CDKAL1: variants seen among roughly 807,000 people sequenced by gnomAD.
CDKAL1 encodes the protein threonylcarbamoyladenosine tRNA methylthiotransferase.
A neutral mutation model predicts 68.2 loss-of-function variants in CDKAL1; 32 were observed. The observed-to-expected ratio is 0.47, with a 90% CI of 0.35 to 0.63. The LOEUF (loss-of-function observed/expected upper bound fraction) is 0.63, where lower values mean the gene tolerates loss of function less well. CDKAL1 is among the 30% of genes least tolerant of loss of function. CDKAL1 has a pLI of 0.00. For synonymous variants in CDKAL1, 234 were observed against 244.3 expected (o/e 0.96, Z 0.39); for missense variants, 606 against 696.7 (o/e 0.87, Z 1.47).
intron 8 of CDKAL1, among the ~76,000 whole-genome samples, chr6:20,795,669 G>A (rs965573679): frequency 1.3e-4 from 20 of 151,966 alleles, no homozygotes; most frequent in African/African-American, 4.4e-4. Context: ...TTTTACTAAC[G>A]GCTGTTGCCA....
At chr6:20,700,041 GC>G (rs1315540215) in intron 5 of CDKAL1, among the ~76,000 whole-genome samples, 1 of 151,532 alleles carries the variant, frequency 6.6e-6, no homozygotes, top group African/African-American at 2.4e-5. Flanking sequence ...TGGAGGTCCG[GC>G]TTTTGGATTA....
intron 13 of CDKAL1, among the ~76,000 whole-genome samples, chr6:21,144,631 CAAAAAAA>C (rs59162861): frequency 7.9e-6 from 1 of 126,848 alleles, no homozygotes; most frequent in Non-Finnish European, 1.7e-5. Flanking sequence ...CAAAAAATAC[CAAAAAAA>C]AAAAAAAAAG....
chr6:21,138,737 A>G (rs1305045417), intron 13 of CDKAL1, among the ~76,000 whole-genome samples: 1 of 152,122 alleles, frequency 6.6e-6, no homozygotes, highest in Admixed American at 6.5e-5. Flanking sequence ...CACATCTTTC[A>G]ATGGCAATTG....
chr6:21,014,321 G>A (rs755484326), intron 11 of CDKAL1, among the ~76,000 whole-genome samples: 33 of 152,044 alleles, frequency 2.2e-4, no homozygotes, highest in Non-Finnish European at 3.7e-4. Flanking sequence ...AAAAGTTCTC[G>A]GGCCGGGTGT....
chr6:21,071,751 A>G (rs966457682), intron 12 of CDKAL1, among the ~76,000 whole-genome samples: 1 of 152,126 alleles, frequency 6.6e-6, no homozygotes, highest in Non-Finnish European at 1.5e-5. Context: ...TGCTTCTGCC[A>G]GGTGCTAAGG....
intron 15 of CDKAL1, among the ~76,000 whole-genome samples, chr6:21,222,818 G>T (rs185229155): frequency 7.2e-5 from 11 of 152,298 alleles, no homozygotes; most frequent in Admixed American, 7.2e-4. Context: ...TGCACCGCAA[G>T]ATGGGAAGAC....
intron 10 of CDKAL1, among the ~76,000 whole-genome samples, chr6:20,961,058 A>G (rs1765031520): frequency 6.6e-6 from 1 of 152,208 alleles, no homozygotes; most frequent in Admixed American, 6.5e-5. Context: ...GAATTGGCTG[A>G]TAGGGAAAAG....
intron 13 of CDKAL1, among the ~76,000 whole-genome samples, chr6:21,175,257 T>C (rs1349400546): frequency 6.6e-6 from 1 of 152,256 alleles, no homozygotes; most frequent in Non-Finnish European, 1.5e-5. Flanking sequence ...TATTTTATTT[T>C]GACGTTATTT....
intron 15 of CDKAL1, among the ~76,000 whole-genome samples, chr6:21,205,535 G>GT (rs1218671233): frequency 7.3e-6 from 1 of 137,130 alleles, no homozygotes; most frequent in East Asian, 2.0e-4. Context: ...AGCCTGTTTT[G>GT]TTTTGTTTTT....
intron 13 of CDKAL1, among the ~76,000 whole-genome samples, chr6:21,195,403 T>C (rs1274347675): frequency 6.6e-6 from 1 of 152,162 alleles, no homozygotes; most frequent in East Asian, 1.9e-4. Flanking sequence ...CCTCAAGTGA[T>C]CCACCCGCCC....
In CDKAL1 at chr6:20,995,878, C is replaced by A. The variant is rs534417347; in HGVS notation, c.910-4349C>A. 3.3e-5 allele frequency among the ~76,000 whole-genome samples: 5 copies of A among 152,250 alleles called. No individual in the cohort carries two copies. The East Asian group carries it at 5.8e-4, about 18-fold the overall frequency. On this transcript the variant is annotated intron_variant, in intron 10 of 15. Coordinates refer to ENST00000274695, the MANE Select transcript of CDKAL1 (RefSeq NM_017774.3). ...TCTCTACCTATGAAAGTCCTAGATGCCACCACTTTTTAATAGAAGGCTGTT... is the reference window on the plus strand; with the variant it reads ...TCTCTACCTATGAAAGTCCTAGATGACACCACTTTTTAATAGAAGGCTGTT...
intron 10 of CDKAL1, among the ~76,000 whole-genome samples, chr6:20,978,238 G>T (rs1268782435): frequency 6.6e-6 from 1 of 152,210 alleles, no homozygotes; most frequent in African/African-American, 2.4e-5. Flanking sequence ...TGTAAAGTCA[G>T]CTTGAAACTG....
intron 5 of CDKAL1, among the ~76,000 whole-genome samples, chr6:20,672,614 C>T (rs998677384): frequency 4.6e-5 from 7 of 152,254 alleles, no homozygotes; most frequent in South Asian, 2.1e-4. Flanking sequence ...CTGGGCCTCC[C>T]GCAGTGCTGG....
At chr6:20,671,351 T>A (rs1769805169) in intron 5 of CDKAL1, among the ~76,000 whole-genome samples, 1 of 152,220 alleles carries the variant, frequency 6.6e-6, no homozygotes, top group South Asian at 2.1e-4. Context: ...TTATCTATTG[T>A]CTCTCAATTT....
In CDKAL1 at chr6:21,113,595, C is replaced by T. The variant is rs543542735; in HGVS notation, c.1299+5132C>T. On this transcript the variant is annotated intron_variant, in intron 13 of 15. Coordinates refer to ENST00000274695, the MANE Select transcript of CDKAL1 (RefSeq NM_017774.3). ...TCAGCTCACCGCAACCTCTGCCTTC[C>T]GGGTTCAAGCAATTCTCCTGCCTCA... is the stretch of plus-strand genomic sequence containing the variant. 2.3e-3 allele frequency among the ~76,000 whole-genome samples: 344 copies of T among 152,060 alleles called. 2 individuals carry two copies. Among genetic ancestry groups the T allele is most frequent in the Non-Finnish European group, 3.5e-3 (237 of 67,964 alleles).
intron 4 of CDKAL1, among the ~76,000 whole-genome samples, chr6:20,620,305 A>G (rs185255494): frequency 5.3e-5 from 8 of 152,334 alleles, no homozygotes; most frequent in Admixed American, 2.0e-4. Context: ...TAAATTTAAC[A>G]TTCTTTTAGA....
At chr6:21,182,292 T>A (rs970418368) in intron 13 of CDKAL1, among the ~76,000 whole-genome samples, 7 of 152,236 alleles carry the variant, frequency 4.6e-5, no homozygotes, top group African/African-American at 1.7e-4. Flanking sequence ...AAGGTTTCAG[T>A]GCTTGACAGT....
chr6:20,638,472 G>T (rs1405257189), intron 4 of CDKAL1, among the ~76,000 whole-genome samples: 1 of 152,188 alleles, frequency 6.6e-6, no homozygotes, highest in Non-Finnish European at 1.5e-5. Context: ...TTGCTTGTAA[G>T]ATGGGCCTGG....
intron 5 of CDKAL1, among the ~76,000 whole-genome samples, chr6:20,675,279 G>C (rs1770037108): frequency 6.6e-6 from 1 of 152,062 alleles, no homozygotes; most frequent in South Asian, 2.1e-4. Flanking sequence ...GGAACTATCT[G>C]GTTTTTGAAG....
Sources: allele counts gnomAD v4.1 joint callset (sites outside exome capture counted in the v4.1 genomes callset), GRCh38; gene constraint gnomAD v4.1.1; transcripts MANE v1.5; gene names NCBI Gene and HGNC (gene_info 2026-07-23, HGNC 2026-07-21).